The following DGKB variants were observed in gnomAD, a reference collection of about 807,000 sequenced individuals.
DGKB encodes 90 kDa diacylglycerol kinase.
Under a neutral mutation model 114.3 loss-of-function variants are expected in DGKB, and 67 were observed. That is an observed-to-expected ratio of 0.59 (90% CI 0.48 to 0.72). The LOEUF is 0.72. DGKB is among the 30% of genes least tolerant of loss of function. DGKB has a pLI of 0.00. For synonymous variants in DGKB, 398 were observed against 323.1 expected (o/e 1.23, Z -2.49); for missense variants, 907 against 975.2 (o/e 0.93, Z 0.93).
At chr7:14,263,839 A>T (rs1429358978) in intron 23 of DGKB, among the ~76,000 whole-genome samples, 1 of 152,180 alleles carries the variant, frequency 6.6e-6, no homozygotes, top group African/African-American at 2.4e-5. Context: ...TTTATGTTAT[A>T]TGCCACTTCA....
chr7:14,434,766 A>G (rs1828990570), intron 21 of DGKB, among the ~76,000 whole-genome samples: 1 of 152,194 alleles, frequency 6.6e-6, no homozygotes, highest in Non-Finnish European at 1.5e-5. Flanking sequence ...GTTATCAACC[A>G]GTAGGCCGTG....
chr7:14,437,990 A>G (rs1829532564), intron 21 of DGKB, among the ~76,000 whole-genome samples: 1 of 151,994 alleles, frequency 6.6e-6, no homozygotes, highest in Non-Finnish European at 1.5e-5. Context: ...ACAGAATGAC[A>G]AGAATAATGT....
chr7:14,458,199 A>T (rs1832574821), intron 21 of DGKB, among the ~76,000 whole-genome samples: 1 of 152,194 alleles, frequency 6.6e-6, no homozygotes, highest in African/African-American at 2.4e-5. Context: ...TTATGTGAGG[A>T]TCACAATAAA....
rs140836395 is a variant in DGKB at position 14,304,087 on chromosome 7, A to ACACACACACACACTCT, written c.2122+34427_2122+34428insAGAGTGTGTGTGTGTG. 5.4e-3 allele frequency among the ~76,000 whole-genome samples: 593 copies of ACACACACACACACTCT among 110,074 alleles called. 2 individuals carry two copies. Among genetic ancestry groups the ACACACACACACACTCT allele is most frequent in the African/African-American group, 0.014 (382 of 27,496 alleles). 72.2% of individuals were successfully genotyped at this position (110,074 alleles called of 152,430 possible). A position where few individuals can be genotyped will look rare whatever the true frequency, so the allele number is the denominator to read the frequency against. Reference sequence around the variant, plus strand: ...CACACACACACACACACACACACACACTCTCTCTCTCTCACCCCTACCTCA... The same window carrying ACACACACACACACTCT: ...CACACACACACACACACACACACACACACACACACACACTCTCTCTCTCTCTCTCACCCCTACCTCA... On this transcript the variant is annotated intron_variant, in intron 23 of 25. Coordinates refer to ENST00000402815, the MANE Select transcript of DGKB (RefSeq NM_001350709.2).
intron 21 of DGKB, among the ~76,000 whole-genome samples, chr7:14,397,703 T>C (rs183872848): frequency 1.2e-3 from 177 of 152,274 alleles, no homozygotes; most frequent in African/African-American, 4.1e-3. Context: ...TTTTTCACTT[T>C]TGTTTGGTTA....
chr7:14,605,556 T>C (rs927807342), intron 17 of DGKB, among the ~76,000 whole-genome samples: 67 of 151,804 alleles, frequency 4.4e-4, no homozygotes, highest in Non-Finnish European at 1.6e-4. Context: ...ATAATATTCA[T>C]TGTAGTGTAG....
chr7:14,485,423 GTTACT>G (rs1783657241), intron 20 of DGKB, among the ~76,000 whole-genome samples: 2 of 151,680 alleles, frequency 1.3e-5, no homozygotes, highest in African/African-American at 4.8e-5. Flanking sequence ...GTAGATTTCT[GTTACT>G]TAGTTTTGGA....
intron 20 of DGKB, among the ~76,000 whole-genome samples, chr7:14,489,854 A>C (rs1784362259): frequency 6.6e-6 from 1 of 152,146 alleles, no homozygotes; most frequent in Non-Finnish European, 1.5e-5. Context: ...ATGAGAATAG[A>C]TCTCAAAGGC....
chr7:14,406,932 T>G (rs991208750), intron 21 of DGKB, among the ~76,000 whole-genome samples: 2 of 152,172 alleles, frequency 1.3e-5, no homozygotes, highest in East Asian at 3.9e-4. Context: ...AACAGATTGG[T>G]TGAGAATATA....
At chr7:14,393,022 G>GCT in intron 21 of DGKB, among the ~76,000 whole-genome samples, 1 of 2,612 alleles carries the variant, frequency 3.8e-4, no homozygotes, top group African/African-American at 6.0e-4. Flanking sequence ...ACGGAGTCTC[G>GCT]CTATCGCCCA....
intron 13 of DGKB, among the ~76,000 whole-genome samples, chr7:14,654,091 A>G (rs1815250159): frequency 6.6e-6 from 1 of 152,130 alleles, no homozygotes; most frequent in African/African-American, 2.4e-5. Flanking sequence ...GAGGATGTCA[A>G]CTTATCCCTC....
intron 23 of DGKB, among the ~76,000 whole-genome samples, chr7:14,195,289 TC>T (rs1186366026): frequency 2.0e-5 from 3 of 152,136 alleles, no homozygotes; most frequent in African/African-American, 7.2e-5. Flanking sequence ...ACGTGTCTCC[TC>T]ATATTAGTGC....
At chr7:14,536,244 C>A (rs887884983) in intron 20 of DGKB, among the ~76,000 whole-genome samples, 2 of 152,100 alleles carry the variant, frequency 1.3e-5, no homozygotes, top group Non-Finnish European at 2.9e-5. Context: ...TAATACCAAT[C>A]CTTTTAAAAG....
At chr7:14,554,969 G>C (rs1433346575) in intron 20 of DGKB, among the ~76,000 whole-genome samples, 1 of 152,034 alleles carries the variant, frequency 6.6e-6, no homozygotes, top group African/African-American at 2.4e-5. Context: ...GAAAGATCAA[G>C]AAAACACAAC....
chr7:14,575,404 T>A (rs1798976127), intron 19 of DGKB, among the ~76,000 whole-genome samples: 1 of 152,336 alleles, frequency 6.6e-6, no homozygotes, highest in Non-Finnish European at 1.5e-5. Context: ...AAAAGTCTTG[T>A]CAATATTACA....
At chr7:14,268,062 CCA>C (rs1475445763) in intron 23 of DGKB, among the ~76,000 whole-genome samples, 1 of 152,140 alleles carries the variant, frequency 6.6e-6, no homozygotes, top group African/African-American at 2.4e-5. Flanking sequence ...CAAGTATTAT[CCA>C]GTTTCTATAT....
intron 23 of DGKB, among the ~76,000 whole-genome samples, chr7:14,186,237 A>G (rs1272200221): frequency 3.9e-5 from 6 of 152,194 alleles, no homozygotes; most frequent in Admixed American, 2.0e-4. Flanking sequence ...AAGAAGATAT[A>G]CAAATGGCCA....
At chr7:14,918,722 C>T (rs939896952) in intron 1 of DGKB, among the ~76,000 whole-genome samples, 3 of 151,962 alleles carry the variant, frequency 2.0e-5, no homozygotes, top group African/African-American at 4.8e-5. Context: ...AATGCAATCC[C>T]AATCAAAATT....
At chr7:14,232,029 C>T (rs1230091987) in intron 23 of DGKB, among the ~76,000 whole-genome samples, 1 of 151,950 alleles carries the variant, frequency 6.6e-6, no homozygotes, top group Non-Finnish European at 1.5e-5. Flanking sequence ...TTTCAAGACC[C>T]AAAGATGGTT....
Sources: gnomAD v4.1 joint callset for allele counts (sites outside exome capture counted in the v4.1 genomes callset) on GRCh38, gnomAD v4.1.1 for gene constraint, MANE v1.5 for transcripts, NCBI Gene and HGNC (gene_info 2026-07-23, HGNC 2026-07-21) for gene names.